CFDP1: variants seen among roughly 807,000 people sequenced by gnomAD.
The protein encoded by CFDP1 is heterochromatin-stabilizing protein CFDP1.
CFDP1 carries 31 observed loss-of-function variants against 40.1 expected under a neutral mutation model. The ratio of observed to expected loss-of-function variants is 0.77; its 90% CI spans 0.58 to 1.04. The LOEUF (loss-of-function observed/expected upper bound fraction) is 1.04, where lower values mean the gene tolerates loss of function less well. Among genes scored for constraint, CFDP1 ranks in the 50% least tolerant of loss-of-function variants. The pLI, the probability that CFDP1 is intolerant of heterozygous loss-of-function variation, is 0.00. For synonymous variants in CFDP1, 167 were observed against 120.0 expected (o/e 1.39, Z -2.56); for missense variants, 423 against 343.4 (o/e 1.23, Z -1.83).
At chr16:75,346,571 A>G in intron 5 of CFDP1, among the ~76,000 whole-genome samples, 1 of 100,188 alleles carries the variant, frequency 1.0e-5, no homozygotes, top group Non-Finnish European at 1.8e-5. Flanking sequence ...TGACAGAGCA[A>G]GACTCTGTCT....
chr16:75,371,973 G>C lies in CFDP1; in HGVS notation c.650+23117C>G, dbSNP rs2078755203. On this transcript the variant is annotated intron_variant, in intron 5 of 6. Transcript: ENST00000283882. ...TTTTCATTGAGTCCTTCTGTGCCAG[G>C]AACTGTAGTGACACCTTATCTCATT... is the stretch of plus-strand genomic sequence containing the variant. Among the ~76,000 whole-genome samples, 3 of 152,146 alleles carry C rather than the reference G, an allele frequency of 2.0e-5. No individual in the cohort carries two copies. In the South Asian group the frequency reaches 6.2e-4, roughly 32 times the overall value.
At chr16:75,361,496 A>G (rs570899032) in intron 5 of CFDP1, among the ~76,000 whole-genome samples, 12 of 152,216 alleles carry the variant, frequency 7.9e-5, no homozygotes, top group African/African-American at 2.9e-4. Flanking sequence ...GCACGCCTGT[A>G]ATCCCAGCTA....
At chr16:75,385,263 A>G (rs896716816) in intron 5 of CFDP1, among the ~76,000 whole-genome samples, 1 of 152,120 alleles carries the variant, frequency 6.6e-6, no homozygotes, top group African/African-American at 2.4e-5. Flanking sequence ...TGAATACAAT[A>G]TATTATCATA....
rs373395688 is a variant in CFDP1 at position 75,345,844 on chromosome 16, A to C, written c.651-40662T>G. Among the ~76,000 whole-genome samples the C allele has an allele frequency of 4.6e-5, 7 of 152,350 alleles. No individual in the cohort carries two copies. The East Asian group carries it at 1.2e-3, about 25-fold the overall frequency. Reference sequence around the variant, plus strand: ...TGCTGAAAACTTTGAAAAATGTTCAAGGCACATGACAGTGGGTCCTAAGTT... The same window carrying C: ...TGCTGAAAACTTTGAAAAATGTTCACGGCACATGACAGTGGGTCCTAAGTT... On this transcript the variant is annotated intron_variant, in intron 5 of 6. Transcript: ENST00000283882.
intron 5 of CFDP1, among the ~76,000 whole-genome samples, chr16:75,369,346 C>T (rs1222437239): frequency 1.4e-5 from 2 of 147,138 alleles, no homozygotes; most frequent in African/African-American, 2.5e-5. Flanking sequence ...CCCAGGAGTT[C>T]AAGACTAGCC....
chr16:75,316,627 C>T (rs1320651081), intron 5 of CFDP1, among the ~76,000 whole-genome samples: 1 of 130,756 alleles, frequency 7.6e-6, no homozygotes, highest in African/African-American at 2.8e-5. Flanking sequence ...TACAAATATT[C>T]AGGAAATCCC....
intron 5 of CFDP1, chr16:75,324,895 G>C (rs1010704768): frequency 2.6e-5 from 4 of 152,112 alleles, no homozygotes; most frequent in Admixed American, 2.6e-4. Flanking sequence ...TTTTGATTTT[G>C]AGAAATTTCA....
chr16:75,308,958 A>G (rs2078275993), intron 5 of CFDP1, among the ~76,000 whole-genome samples: 1 of 152,230 alleles, frequency 6.6e-6, no homozygotes, highest in Non-Finnish European at 1.5e-5. Flanking sequence ...CTTTTGGGGA[A>G]GGCTTCCAAC....
chr16:75,401,660 G>A (rs370003072), intron 4 of CFDP1, among the ~76,000 whole-genome samples: 1 of 152,112 alleles, frequency 6.6e-6, no homozygotes, highest in African/African-American at 2.4e-5. Flanking sequence ...GAATGCTGGT[G>A]ATAGAGAAGA....
intron 4 of CFDP1, among the ~76,000 whole-genome samples, chr16:75,400,426 C>G (rs533047557): frequency 6.6e-6 from 1 of 152,198 alleles, no homozygotes; most frequent in Non-Finnish European, 1.5e-5. Context: ...ACTAAAGTAC[C>G]CTAGAAAGGC....
At chr16:75,321,226 A>C (rs1687316868) in intron 5 of CFDP1, among the ~76,000 whole-genome samples, 1 of 152,238 alleles carries the variant, frequency 6.6e-6, no homozygotes, top group African/African-American at 2.4e-5. Context: ...CGGCATTCCA[A>C]AGTGCTGGAA....
At chr16:75,416,198 C>CA in intron 1 of CFDP1, among the ~76,000 whole-genome samples, 1 of 151,986 alleles carries the variant, frequency 6.6e-6, no homozygotes. Context: ...CAAGGACCAC[C>CA]AAACACTTGA....
chr16:75,295,045 G>A (rs959651346), intron 6 of CFDP1, among the ~76,000 whole-genome samples: 2 of 152,214 alleles, frequency 1.3e-5, no homozygotes, highest in Non-Finnish European at 2.9e-5. Flanking sequence ...CATGGAAAAT[G>A]GGAGACAAAA....
rs1314683218 is a variant in CFDP1, at chr16:75,412,645, T to C, written c.292A>G (p.Lys98Glu). Residue 98 changes from lysine (K) to glutamate (E), a missense_variant, in exon 3 of 7, where the codon AAA becomes GAA. Coordinates refer to ENST00000283882, the MANE Select transcript of CFDP1 (RefSeq NM_006324.3). ...EEEDDAAEQE[K>E]GIGSEDARKK... ...CTGGCATCCTCTGATCCAATGCCTTTTTCCTGCTCTGCAGCGTCATCTTCC... is the reference window on the plus strand; with the variant it reads ...CTGGCATCCTCTGATCCAATGCCTTCTTCCTGCTCTGCAGCGTCATCTTCC... 3.1e-6 allele frequency: 5 copies of C among 1,614,060 alleles called. No individual in the cohort carries two copies. The Admixed American group carries it at 8.3e-5, about 27-fold the overall frequency.
intron 5 of CFDP1, among the ~76,000 whole-genome samples, chr16:75,317,769 C>T (rs952952713): frequency 6.6e-6 from 1 of 152,122 alleles, no homozygotes; most frequent in Non-Finnish European, 1.5e-5. Context: ...CCAGTCACAG[C>T]CGCAGAGGCC....
At chr16:75,336,887 G>A (rs2078492557) in intron 5 of CFDP1, among the ~76,000 whole-genome samples, 2 of 152,154 alleles carry the variant, frequency 1.3e-5, no homozygotes, top group African/African-American at 4.8e-5. Context: ...TCTAATGTAT[G>A]AGCCATTTGT....
chr16:75,388,377 T>A (rs960548632), intron 5 of CFDP1, among the ~76,000 whole-genome samples: 3 of 152,214 alleles, frequency 2.0e-5, no homozygotes, highest in African/African-American at 7.2e-5. Context: ...TGGTATTTAA[T>A]CTAGAGAACA....
chr16:75,400,183 G>A (rs909951332), intron 4 of CFDP1, among the ~76,000 whole-genome samples: 7 of 151,790 alleles, frequency 4.6e-5, no homozygotes, highest in African/African-American at 1.7e-4. Flanking sequence ...TTGGGAGGCT[G>A]AAGCAGAAGG....
intron 5 of CFDP1, among the ~76,000 whole-genome samples, chr16:75,321,216 C>T (rs2078361083): frequency 1.3e-5 from 2 of 152,202 alleles, no homozygotes; most frequent in South Asian, 2.1e-4. Context: ...CCTCCTACCT[C>T]GGCATTCCAA....
Sources: gnomAD v4.1 joint callset for allele counts (sites outside exome capture counted in the v4.1 genomes callset) on GRCh38, gnomAD v4.1.1 for gene constraint, MANE v1.5 for transcripts, NCBI Gene and HGNC (gene_info 2026-07-23, HGNC 2026-07-21) for gene names.